The following PLCE1 variants were observed in gnomAD, a reference collection of about 807,000 sequenced individuals.
PLCE1 encodes the protein 1-phosphatidylinositol 4,5-bisphosphate phosphodiesterase epsilon-1.
A neutral mutation model predicts 242.8 loss-of-function variants in PLCE1; 119 were observed. The observed-to-expected ratio is 0.49, with a 90% CI of 0.42 to 0.57. The LOEUF (loss-of-function observed/expected upper bound fraction) is 0.57. PLCE1 is among the 20% of genes least tolerant of loss of function. PLCE1 has a pLI of 0.00. For missense variants in PLCE1, 2,441 were observed against 2,788.8 expected (o/e 0.88, Z 2.81); for synonymous variants, 945 against 1,017.4 (o/e 0.93, Z 1.35).
At chr10:94,108,966 A>G (rs879494981) in intron 2 of PLCE1, 2 of 152,246 alleles carry the variant, frequency 1.3e-5, no homozygotes, top group Non-Finnish European at 2.9e-5. Context: ...CTTTTCTGCA[A>G]TTGAAATGTA....
chr10:94,284,911 A>G lies in PLCE1; in HGVS notation c.4981A>G (p.Ile1661Val), dbSNP rs1448650125. ...TCAGAATAAAAAGGAAAGCAGACAG[A>G]TTGCACCAGAGCTTTCTGACCTTGT... ...LDQNKKESRQ[I>V]APELSDLVIY... The change falls in exon 22 of 33, where the codon ATT becomes GTT. Residue 1661 changes from isoleucine to valine, a missense_variant. Physicochemically the swap from Ile to Val is conservative, Grantham distance 29. Around this residue, in one of 5 missense-constraint regions of PLCE1, gnomAD observed 1,004 missense variants for 1,322.7 expected, o/e 0.76. Coordinates refer to ENST00000371380, the MANE Select transcript of PLCE1 (RefSeq NM_016341.4). 6.2e-7 allele frequency: 1 copy of G among 1,612,496 alleles called. No individual in the cohort carries two copies. Among genetic ancestry groups the G allele is most frequent in the South Asian group, 1.1e-5 (1 of 91,040 alleles).
chr10:94,135,974 A>G (rs946594996), intron 3 of PLCE1, among the ~76,000 whole-genome samples: 1 of 152,216 alleles, frequency 6.6e-6, no homozygotes, highest in South Asian at 2.1e-4. Flanking sequence ...CGAGATGTTT[A>G]TAAATGGTAT....
chr10:94,266,897 T>C (rs944140075), intron 16 of PLCE1, among the ~76,000 whole-genome samples: 1 of 152,214 alleles, frequency 6.6e-6, no homozygotes, highest in South Asian at 2.1e-4. Flanking sequence ...TGAAGATGTG[T>C]TCTTAGAGCA....
At chr10:94,301,154 G>C (rs2053023144) in intron 24 of PLCE1, among the ~76,000 whole-genome samples, 1 of 152,002 alleles carries the variant, frequency 6.6e-6, no homozygotes, top group Non-Finnish European at 1.5e-5. Flanking sequence ...AGACCAGCCT[G>C]GCCAACATGG....
intron 7 of PLCE1, among the ~76,000 whole-genome samples, chr10:94,239,104 C>G (rs1033308740): frequency 6.6e-6 from 1 of 152,186 alleles, no homozygotes; most frequent in Non-Finnish European, 1.5e-5. Flanking sequence ...AATTGCACGG[C>G]ATACTATAAG....
intron 13 of PLCE1, among the ~76,000 whole-genome samples, chr10:94,260,391 A>G (rs1432032381): frequency 6.6e-6 from 1 of 152,188 alleles, no homozygotes; most frequent in African/African-American, 2.4e-5. Context: ...TTTCCAGCCT[A>G]TCATTTTCCT....
intron 1 of PLCE1, among the ~76,000 whole-genome samples, chr10:94,029,745 G>A (rs555263673): frequency 2.6e-5 from 4 of 152,212 alleles, no homozygotes; most frequent in South Asian, 4.1e-4. Flanking sequence ...AAGAGGGTAC[G>A]GGAGAAGCAA....
At chr10:94,185,386 C>T (rs1011388247) in intron 4 of PLCE1, among the ~76,000 whole-genome samples, 1 of 152,166 alleles carries the variant, frequency 6.6e-6, no homozygotes, top group African/African-American at 2.4e-5. Flanking sequence ...ATCCCAGCTA[C>T]TTGGGAGTCT....
At chr10:94,027,060 TCTGA>T (rs1158248136) in intron 1 of PLCE1, among the ~76,000 whole-genome samples, 4 of 152,168 alleles carry the variant, frequency 2.6e-5, no homozygotes, top group Non-Finnish European at 5.9e-5. Context: ...GACCCCAATG[TCTGA>T]CTGTTTTCTT....
chr10:94,261,860 C>G (rs1379989517), intron 13 of PLCE1, among the ~76,000 whole-genome samples: 1 of 152,110 alleles, frequency 6.6e-6, no homozygotes, highest in African/African-American at 2.4e-5. Context: ...TCTTCAATCT[C>G]TACAAACAAA....
chr10:94,203,248 C>T (rs886266202), intron 4 of PLCE1, among the ~76,000 whole-genome samples: 3 of 152,216 alleles, frequency 2.0e-5, no homozygotes, highest in Non-Finnish European at 4.4e-5. Flanking sequence ...CTGTCACACT[C>T]TGCTCCCAAC....
intron 20 of PLCE1, chr10:94,280,628 G>A (rs2052172619): frequency 6.6e-6 from 1 of 152,268 alleles, no homozygotes; most frequent in African/African-American, 2.4e-5. Flanking sequence ...TTTTGGTGAT[G>A]TCTGAAAGGC....
chr10:94,225,202 T>G lies in PLCE1; in HGVS notation c.1810-2104T>G, dbSNP rs564598208. The G allele has an allele frequency of 2.6e-5, 4 of 152,364 alleles. No homozygotes were observed. The South Asian group carries it at 8.3e-4, about 32-fold the overall frequency. The allele number at this position is 152,364 out of a possible 1,614,324, so 9.4% of individuals were successfully genotyped here. On this transcript the variant is annotated intron_variant, in intron 4 of 32. Coordinates refer to ENST00000371380, the MANE Select transcript of PLCE1 (RefSeq NM_016341.4). ...TCCCTGTTGCTCTGATTTTCCTGTT[T>G]GTTTCTATGTAGGGATAGGAAAGAG...
chr10:94,016,624 A>C (rs1382884431), intron 1 of PLCE1, among the ~76,000 whole-genome samples: 1 of 152,200 alleles, frequency 6.6e-6, no homozygotes, highest in East Asian at 1.9e-4. Context: ...CAGGATAAAA[A>C]CAATATATAG....
intron 4 of PLCE1, among the ~76,000 whole-genome samples, chr10:94,212,147 C>T (rs1283374960): frequency 3.3e-5 from 5 of 152,168 alleles, no homozygotes; most frequent in East Asian, 1.9e-4. Flanking sequence ...AGTGCAGTGG[C>T]GTGATCTCGG....
At chr10:94,173,855 T>G (rs891890980) in intron 4 of PLCE1, among the ~76,000 whole-genome samples, 1 of 152,228 alleles carries the variant, frequency 6.6e-6, no homozygotes, top group African/African-American at 2.4e-5. Context: ...ATTATGGGTA[T>G]GCTGATTAAA....
intron 2 of PLCE1, among the ~76,000 whole-genome samples, chr10:94,048,518 T>A (rs1398280164): frequency 4.6e-5 from 7 of 151,892 alleles, no homozygotes; most frequent in Non-Finnish European, 1.0e-4. Context: ...AATTTTGCAT[T>A]TTCCTGATCA....
intron 7 of PLCE1, among the ~76,000 whole-genome samples, chr10:94,244,799 C>T (rs958834705): frequency 9.2e-5 from 14 of 152,102 alleles, no homozygotes; most frequent in Admixed American, 6.6e-4. Context: ...ACCTCCCAGG[C>T]TCCAGCAATC....
At chr10:94,135,394 A>G (rs1182697388) in intron 3 of PLCE1, among the ~76,000 whole-genome samples, 1 of 152,194 alleles carries the variant, frequency 6.6e-6, no homozygotes, top group Non-Finnish European at 1.5e-5. Context: ...GATCAGGAGT[A>G]CATGCAGCTG....
Sources: gnomAD v4.1 joint callset for allele counts (sites outside exome capture counted in the v4.1 genomes callset) on GRCh38, gnomAD v4.1.1 for gene constraint, gnomAD v4.1.1 regional missense constraint, MANE v1.5 for transcripts, NCBI Gene and HGNC (gene_info 2026-07-23, HGNC 2026-07-21) for gene names.